MIA2: variants seen among roughly 807,000 people sequenced by gnomAD.
The protein encoded by MIA2 is melanoma inhibitory activity protein 2.
Under a neutral mutation model 167.8 loss-of-function variants are expected in MIA2, and 127 were observed. The observed-to-expected ratio is 0.76, with a 90% CI of 0.66 to 0.88. MIA2 has a LOEUF of 0.88. Ranked by LOEUF, MIA2 falls within the 40% of genes least tolerant of loss-of-function variation. MIA2 has a pLI of 0.00. For synonymous variants in MIA2, 552 were observed against 541.9 expected (o/e 1.02, Z -0.26); for missense variants, 1,690 against 1,624.7 (o/e 1.04, Z -0.69).
At chr14:39,257,844 G>A (rs2054891747) in intron 6 of MIA2, among the ~76,000 whole-genome samples, 2 of 152,148 alleles carry the variant, frequency 1.3e-5, no homozygotes, top group South Asian at 4.1e-4. Flanking sequence ...CACTTTTGAA[G>A]CTTAGTTTGG....
At position 39,342,232 on chromosome 14, in the gene MIA2, A is replaced by G. The variant is rs373687174; in HGVS notation, c.3656-3672A>G. Reference sequence around the variant, plus strand: ...TGTGTCCATGTGTTCTCATTGTTCAATTCCCACCTATGAGTGAGAACATGC... The same window carrying G: ...TGTGTCCATGTGTTCTCATTGTTCAGTTCCCACCTATGAGTGAGAACATGC... On this transcript the variant is annotated intron_variant, in intron 25 of 28. Transcript: ENST00000640607. 1.5e-3 allele frequency among the ~76,000 whole-genome samples: 213 copies of G among 142,016 alleles called. 1 individual carries two copies. Among genetic ancestry groups the G allele is most frequent in the African/African-American group, 4.3e-3 (161 of 37,858 alleles). The allele number at this position is 142,016 out of a possible 152,430, so 93.2% of individuals were successfully genotyped here. A position where few individuals can be genotyped will look rare whatever the true frequency, so the allele number is the denominator to read the frequency against.
intron 23 of MIA2, among the ~76,000 whole-genome samples, chr14:39,371,519 TATAATC>T (rs1267563356): frequency 6.6e-6 from 1 of 152,338 alleles, no homozygotes; most frequent in Non-Finnish European, 1.5e-5. Context: ...AATCCAGTGT[TATAATC>T]ATGACAAACT....
chr14:39,272,391 A>G (rs544118438), intron 6 of MIA2, among the ~76,000 whole-genome samples: 5 of 152,176 alleles, frequency 3.3e-5, no homozygotes, highest in Admixed American at 2.0e-4. Flanking sequence ...AAGGGTAGGT[A>G]TATGTAAAAT....
At chr14:39,304,836 G>A (rs1354496122) in intron 17 of MIA2, among the ~76,000 whole-genome samples, 1 of 152,106 alleles carries the variant, frequency 6.6e-6, no homozygotes, top group Non-Finnish European at 1.5e-5. Flanking sequence ...AGAAATGAAG[G>A]TGTTGTTTTA....
chr14:39,326,112 T>C (rs1361895356), intron 24 of MIA2, among the ~76,000 whole-genome samples: 1 of 152,274 alleles, frequency 6.6e-6, no homozygotes, highest in African/African-American at 2.4e-5. Flanking sequence ...TACTAGATTT[T>C]CTTATCCAAA....
At chr14:39,331,264 G>C (rs1240430360) in intron 25 of MIA2, among the ~76,000 whole-genome samples, 1 of 152,036 alleles carries the variant, frequency 6.6e-6, no homozygotes, top group East Asian at 1.9e-4. Flanking sequence ...TTTTATCAGA[G>C]ACTAGGATTA....
chr14:39,241,047 T>TAAAGTAC (rs1167368515), intron 3 of MIA2, among the ~76,000 whole-genome samples: 1 of 152,204 alleles, frequency 6.6e-6, no homozygotes, highest in African/African-American at 2.4e-5. Context: ...TGAGTATATG[T>TAAAGTAC]AAAGTACATA....
At chr14:39,356,116 T>G (rs1469171946), downstream of MIA2, among the ~76,000 whole-genome samples, 2 of 152,226 alleles carry the variant, frequency 1.3e-5, no homozygotes, top group East Asian at 3.8e-4. Context: ...TGGAATAGTT[T>G]CAGAAGGAGT....
At chr14:39,349,767 A>G (rs1686488917) in intron 28 of MIA2, among the ~76,000 whole-genome samples, 2 of 152,208 alleles carry the variant, frequency 1.3e-5, no homozygotes, top group Admixed American at 1.3e-4. Context: ...ATTATATTAC[A>G]TGCAGATGTT....
At chr14:39,291,674 C>T (rs1397587047) in intron 10 of MIA2, among the ~76,000 whole-genome samples, 1 of 152,050 alleles carries the variant, frequency 6.6e-6, no homozygotes, top group African/African-American at 2.4e-5. Context: ...CCACCATGGC[C>T]AGTTTCAAGC....
chr14:39,346,877 A>G, intron 26 of MIA2: 1 of 326,358 alleles, frequency 3.1e-6, no homozygotes, highest in Non-Finnish European at 6.1e-6. Flanking sequence ...AAGTGCTGGG[A>G]TTACAAGCAT....
intron 23 of MIA2, among the ~76,000 whole-genome samples, chr14:39,380,347 T>C (rs2075129553): frequency 6.6e-6 from 1 of 152,058 alleles, no homozygotes; most frequent in Non-Finnish European, 1.5e-5. Flanking sequence ...GAAAACCAGA[T>C]AGTGAAATTG....
chr14:39,347,815 C>CTTATTT, intron 27 of MIA2, 44 bp downstream of exon 27: 1 of 1,048,958 alleles, frequency 9.5e-7, no homozygotes, highest in African/African-American at 2.4e-5. Flanking sequence ...ATTCAGAAGC[C>CTTATTT]TTCTTTTTTT....
At chr14:39,359,432 T>C (rs1355744924) in intron 23 of MIA2, among the ~76,000 whole-genome samples, 2 of 152,158 alleles carry the variant, frequency 1.3e-5, no homozygotes, top group African/African-American at 4.8e-5. Context: ...GTGACCCGAT[T>C]TTCCAGGTGC....
rs2139388099 is a variant in MIA2, at chr14:39,388,049, C to T, written c.*1097C>T. 6.6e-6 allele frequency: 1 copy of T among 152,310 alleles called. No individual in the cohort carries two copies. The highest frequency in any genetic ancestry group is 2.4e-5 in the African/African-American group (1 of 41,572). The allele number at this position is 152,310 out of a possible 1,614,324, so 9.4% of individuals were successfully genotyped here. The stretch of plus-strand genomic sequence containing the variant: ...GTGACTTGCTATATTGCATTATTCT[C>T]TTTATTGTAGTGGTCTGGAACTGAA... On this transcript the variant is annotated 3_prime_UTR_variant, in exon 24 of 24. Coordinates refer to the MIA2 transcript ENST00000341502. The surrounding 1 kb of genome is among the most constrained non-coding windows in gnomAD (Gnocchi z 4.1).
intron 23 of MIA2, among the ~76,000 whole-genome samples, chr14:39,361,525 G>T (rs986950777): frequency 6.7e-6 from 1 of 148,630 alleles, no homozygotes; most frequent in African/African-American, 2.5e-5. Flanking sequence ...TGCAACTTCC[G>T]CCTCCCGGGT....
chr14:39,369,697 A>G (rs1414931469), intron 23 of MIA2, among the ~76,000 whole-genome samples: 2 of 152,174 alleles, frequency 1.3e-5, no homozygotes, highest in African/African-American at 4.8e-5. Context: ...GTGGGGTCTC[A>G]GGAGGTGGGC....
chr14:39,365,000 T>C (rs192491392), intron 23 of MIA2, among the ~76,000 whole-genome samples: 67 of 152,294 alleles, frequency 4.4e-4, no homozygotes, highest in African/African-American at 1.6e-3. Flanking sequence ...TCTTGTTATA[T>C]GTGAGAACTT....
chr14:39,308,708 C>G (rs1278971239), intron 18 of MIA2, 121 bp downstream of exon 18: 4 of 824,812 alleles, frequency 4.8e-6, no homozygotes, highest in Non-Finnish European at 7.2e-6. Context: ...TGTATTTCAT[C>G]AACTTATTTT....
Sources: allele counts gnomAD v4.1 joint callset (sites outside exome capture counted in the v4.1 genomes callset), GRCh38; gene constraint gnomAD v4.1.1; non-coding constraint Gnocchi (gnomAD v3.1); transcripts MANE v1.5; gene names NCBI Gene and HGNC (gene_info 2026-07-23, HGNC 2026-07-21).